Variants in NSMCE2 observed in about 807,000 individuals in gnomAD.
The protein encoded by NSMCE2 is E3 SUMO-protein ligase NSE2.
NSMCE2 carries 24 observed loss-of-function variants against 23.8 expected under a neutral mutation model. That is an observed-to-expected ratio of 1.01 (90% confidence interval 0.73 to 1.42). The LOEUF is 1.42. NSMCE2 is among the 40% of genes most tolerant of loss of function. The pLI is 0.00. For missense variants in NSMCE2, 284 were observed against 296.5 expected (o/e 0.96, Z 0.31); for synonymous variants, 92 against 94.1 (o/e 0.98, Z 0.13).
At chr8:125,333,775 A>C (rs552648821) in intron 5 of NSMCE2, among the ~76,000 whole-genome samples, 1 of 151,800 alleles carries the variant, frequency 6.6e-6, no homozygotes, top group Non-Finnish European at 1.5e-5. Context: ...GGCCTCCCAA[A>C]GTGCTGGGAT....
chr8:125,260,944 T>C (rs1586684962), intron 5 of NSMCE2, among the ~76,000 whole-genome samples: 1 of 152,036 alleles, frequency 6.6e-6, no homozygotes, highest in South Asian at 2.1e-4. Flanking sequence ...ATTTCAGATA[T>C]ACCCTATGGC....
At chr8:125,194,578 A>G (rs1322922162) in intron 5 of NSMCE2, among the ~76,000 whole-genome samples, 1 of 152,200 alleles carries the variant, frequency 6.6e-6, no homozygotes, top group African/African-American at 2.4e-5. Context: ...TTTTATGTGA[A>G]TATGTCTTAA....
At chr8:125,259,454 A>G (rs999296517) in intron 5 of NSMCE2, among the ~76,000 whole-genome samples, 1 of 152,116 alleles carries the variant, frequency 6.6e-6, no homozygotes, top group Non-Finnish European at 1.5e-5. Context: ...TGAAAATCTA[A>G]CTAATGCCTG....
At chr8:125,183,217 T>G (rs571600139) in intron 5 of NSMCE2, among the ~76,000 whole-genome samples, 24 of 152,342 alleles carry the variant, frequency 1.6e-4, no homozygotes, top group African/African-American at 5.8e-4. Flanking sequence ...AGGCTTTCTT[T>G]TAAATATAAG....
intron 5 of NSMCE2, among the ~76,000 whole-genome samples, chr8:125,214,586 A>T (rs1824494094): frequency 6.6e-6 from 1 of 152,030 alleles, no homozygotes; most frequent in Admixed American, 6.6e-5. Context: ...TATTTTTTAG[A>T]CCGTTTTTAG....
At chr8:125,275,597 C>T (rs1250279348) in intron 5 of NSMCE2, among the ~76,000 whole-genome samples, 1 of 152,212 alleles carries the variant, frequency 6.6e-6, no homozygotes, top group Admixed American at 6.5e-5. Flanking sequence ...ACCCTCCCAA[C>T]TCTCCCAATT....
chr8:125,174,551 A>T (rs1822380949), intron 4 of NSMCE2, among the ~76,000 whole-genome samples: 1 of 152,218 alleles, frequency 6.6e-6, no homozygotes, highest in Non-Finnish European at 1.5e-5. Flanking sequence ...TTAGTAACAG[A>T]TGCACATAGA....
chr8:125,185,039 G>A (rs570009623), intron 5 of NSMCE2, among the ~76,000 whole-genome samples: 1 of 152,220 alleles, frequency 6.6e-6, no homozygotes, highest in East Asian at 1.9e-4. Flanking sequence ...TAACCACCAT[G>A]TCTTCACTAA....
At chr8:125,204,391 C>T (rs1824017289) in intron 5 of NSMCE2, among the ~76,000 whole-genome samples, 1 of 152,108 alleles carries the variant, frequency 6.6e-6, no homozygotes, top group Non-Finnish European at 1.5e-5. Flanking sequence ...TTCTCTTTCC[C>T]GAGAGGACAC....
At chr8:125,272,658 G>A (rs1484843246) in intron 5 of NSMCE2, among the ~76,000 whole-genome samples, 2 of 126,596 alleles carry the variant, frequency 1.6e-5, no homozygotes, top group African/African-American at 6.2e-5. Context: ...AACAGTTATA[G>A]AAATTGCCTT....
chr8:125,363,073 T>G (rs1252130135), intron 7 of NSMCE2: 1 of 152,264 alleles, frequency 6.6e-6, no homozygotes, highest in Non-Finnish European at 1.5e-5. Flanking sequence ...GGTTATGTTT[T>G]AAGGGAGGGT....
intron 5 of NSMCE2, among the ~76,000 whole-genome samples, chr8:125,256,691 C>T (rs1483405142): frequency 2.0e-5 from 3 of 151,412 alleles, no homozygotes; most frequent in African/African-American, 4.9e-5. Flanking sequence ...TTTGGGAGGC[C>T]GAGGCGGGTG....
chr8:125,157,584 T>G (rs925643548), intron 4 of NSMCE2, among the ~76,000 whole-genome samples: 1 of 152,214 alleles, frequency 6.6e-6, no homozygotes, highest in African/African-American at 2.4e-5. Context: ...TTTTGCCTAA[T>G]AAACAGAGAC....
chr8:125,143,267 C>G (rs1263076117), intron 3 of NSMCE2, among the ~76,000 whole-genome samples: 1 of 151,754 alleles, frequency 6.6e-6, no homozygotes, highest in Non-Finnish European at 1.5e-5. Flanking sequence ...TTTATTTTAT[C>G]CAAAAAGAAT....
intron 5 of NSMCE2, among the ~76,000 whole-genome samples, chr8:125,266,047 A>G (rs1043886078): frequency 6.6e-6 from 1 of 151,898 alleles, no homozygotes; most frequent in African/African-American, 2.4e-5. Flanking sequence ...GAACACATGA[A>G]TATAGCTAAC....
intron 7 of NSMCE2, among the ~76,000 whole-genome samples, chr8:125,358,984 C>T (rs965782794): frequency 2.3e-4 from 35 of 152,112 alleles, no homozygotes; most frequent in Middle Eastern, 3.4e-3. Context: ...TGTCAGATTT[C>T]GGCCAGGCGC....
intron 5 of NSMCE2, among the ~76,000 whole-genome samples, chr8:125,226,107 A>C (rs1487336273): frequency 6.6e-6 from 1 of 152,130 alleles, no homozygotes; most frequent in Non-Finnish European, 1.5e-5. Context: ...CAAAAACCCC[A>C]GTGTCAGACA....
intron 5 of NSMCE2, among the ~76,000 whole-genome samples, chr8:125,274,583 A>T (rs2131101234): frequency 6.6e-6 from 1 of 152,264 alleles, no homozygotes; most frequent in South Asian, 2.1e-4. Context: ...ATTATTTTCT[A>T]GGTAGGAGAG....
At chr8:125,320,251 G>GGGAAGGAAGGAAGGAAGGAAGGAAGGAA (rs1184148348) in intron 5 of NSMCE2, among the ~76,000 whole-genome samples, 1 of 58,298 alleles carries the variant, frequency 1.7e-5, no homozygotes, top group African/African-American at 7.9e-5. Context: ...GAGGGAGGGA[G>GGGAAGGAAGGAAGGAAGGAAGGAAGGAA]GGAAGGAAGG....
Sources: gnomAD v4.1 joint callset for allele counts (sites outside exome capture counted in the v4.1 genomes callset) on GRCh38, gnomAD v4.1.1 for gene constraint, MANE v1.5 for transcripts, NCBI Gene and HGNC (gene_info 2026-07-23, HGNC 2026-07-21) for gene names.